The following BBS9 variants were observed in gnomAD, a reference collection of about 807,000 sequenced individuals.
BBS9 encodes protein PTHB1.
Under a neutral mutation model 117.7 loss-of-function variants are expected in BBS9, and 89 were observed. That is an observed-to-expected ratio of 0.76 (90% confidence interval 0.64 to 0.90). BBS9 has a LOEUF of 0.90. BBS9 is among the 40% of genes least tolerant of loss of function. The pLI is 0.00. For synonymous variants in BBS9, 379 were observed against 370.9 expected (o/e 1.02, Z -0.25); for missense variants, 982 against 1,042.2 (o/e 0.94, Z 0.80).
intron 5 of BBS9, among the ~76,000 whole-genome samples, chr7:33,243,418 T>A (rs780555700): frequency 3.9e-5 from 6 of 152,224 alleles, no homozygotes; most frequent in Non-Finnish European, 8.8e-5. Context: ...AAGCCAGTCT[T>A]TGATAGAGAA....
intron 5 of BBS9, 62 bp downstream of exon 5, chr7:33,177,653 A>C (rs763565455): frequency 4.2e-6 from 5 of 1,191,326 alleles, no homozygotes; most frequent in Non-Finnish European, 6.3e-6. Flanking sequence ...ATTTGGTCAT[A>C]TAAAACAGAG....
At chr7:33,361,985 C>T (rs74354765) in intron 16 of BBS9, among the ~76,000 whole-genome samples, 10,394 of 152,148 alleles carry the variant, frequency 0.068, 406 homozygotes, top group African/African-American at 0.08. Flanking sequence ...ACCATCTCAA[C>T]GGTTAAGTTG....
chr7:33,480,626 T>G (rs1317413136), intron 19 of BBS9, among the ~76,000 whole-genome samples: 1 of 152,202 alleles, frequency 6.6e-6, no homozygotes, highest in African/African-American at 2.4e-5. Context: ...TGCTTAGGTG[T>G]CATTCTTGGC....
intron 1 of BBS9, among the ~76,000 whole-genome samples, chr7:33,137,856 A>G (rs1393777242): frequency 6.6e-6 from 1 of 152,230 alleles, no homozygotes; most frequent in Non-Finnish European, 1.5e-5. Context: ...TGTTTATGTA[A>G]TGGAATTTAT....
chr7:33,304,870 A>C (rs1170278894), intron 9 of BBS9, among the ~76,000 whole-genome samples: 1 of 152,146 alleles, frequency 6.6e-6, no homozygotes, highest in African/African-American at 2.4e-5. Context: ...GTGCTGTGTC[A>C]GCTCAGGGTT....
rs1015682297 is a variant in BBS9, at chr7:33,407,408, T to C, written c.2115+19264T>C. On this transcript the variant is annotated intron_variant, in intron 19 of 22. Transcript: ENST00000242067. ...CCTCCTGTAGCTCGGAGTAGTTTGA[T>C]CGTCTGAAGCCTTCTTCTCTCAACT... Among the ~76,000 whole-genome samples the C allele has an allele frequency of 6.6e-5, 10 of 152,342 alleles. No homozygotes were observed. The South Asian group carries it at 1.9e-3, about 28-fold the overall frequency.
intron 19 of BBS9, among the ~76,000 whole-genome samples, chr7:33,486,670 A>C (rs1239694408): frequency 6.6e-6 from 1 of 152,136 alleles, no homozygotes; most frequent in East Asian, 1.9e-4. Flanking sequence ...CCTGACCCAA[A>C]CTGGAAGTCA....
intron 9 of BBS9, among the ~76,000 whole-genome samples, chr7:33,281,169 A>T (rs1037025762): frequency 2.6e-5 from 4 of 151,612 alleles, no homozygotes; most frequent in Non-Finnish European, 4.4e-5. Context: ...TTTCTGTTGA[A>T]TAAGCTTTTT....
intron 19 of BBS9, among the ~76,000 whole-genome samples, chr7:33,407,733 T>A (rs6945490): frequency 0.086 from 13,114 of 152,232 alleles, 597 homozygotes; most frequent in South Asian, 0.14. Flanking sequence ...TCAGCAGCGG[T>A]GTCTGCAGAA....
intron 9 of BBS9, 109 bp downstream of exon 9, chr7:33,274,065 A>G (rs1214965580): frequency 1.7e-6 from 2 of 1,206,218 alleles, no homozygotes; most frequent in East Asian, 2.5e-5. Flanking sequence ...TACAGGTGAC[A>G]TTGTAGTATG....
chr7:33,442,689 A>G (rs1483781707), intron 19 of BBS9, among the ~76,000 whole-genome samples: 2 of 152,234 alleles, frequency 1.3e-5, no homozygotes, highest in Non-Finnish European at 2.9e-5. Flanking sequence ...GGGAAGCTCC[A>G]CTATAAATGT....
chr7:33,451,094 TAGCC>T (rs1837776401), intron 19 of BBS9, among the ~76,000 whole-genome samples: 1 of 152,094 alleles, frequency 6.6e-6, no homozygotes, highest in African/African-American at 2.4e-5. Context: ...TTCATCATGT[TAGCC>T]AGGATGGTCT....
chr7:33,149,534 A>G (rs915054563), intron 2 of BBS9, among the ~76,000 whole-genome samples: 3 of 152,222 alleles, frequency 2.0e-5, no homozygotes, highest in African/African-American at 7.2e-5. Context: ...TCAACTCAAG[A>G]TTCAGACTCT....
At chr7:33,150,405 A>G (rs1793120430) in intron 2 of BBS9, among the ~76,000 whole-genome samples, 1 of 152,222 alleles carries the variant, frequency 6.6e-6, no homozygotes, top group African/African-American at 2.4e-5. Context: ...CCAGTCTACT[A>G]GAGTTTCACC....
chr7:33,304,566 C>CTCTGCCTG (rs1195101023), intron 9 of BBS9, among the ~76,000 whole-genome samples: 3 of 152,108 alleles, frequency 2.0e-5, no homozygotes, highest in Non-Finnish European at 4.4e-5. Flanking sequence ...TGAGGAGCGC[C>CTCTGCCTG]TCTGCCTGGC....
At chr7:33,378,748 C>A (rs568020115) in intron 17 of BBS9, among the ~76,000 whole-genome samples, 1 of 152,270 alleles carries the variant, frequency 6.6e-6, no homozygotes, top group African/African-American at 2.4e-5. Context: ...CACAGCATCC[C>A]CCATTTTCTT....
intron 20 of BBS9, among the ~76,000 whole-genome samples, chr7:33,524,057 A>G (rs1849069474): frequency 8.5e-6 from 1 of 117,176 alleles, no homozygotes. Context: ...ACATTTATTG[A>G]TTTGCGTATA....
At chr7:33,504,735 T>G (rs1242814140) in intron 19 of BBS9, among the ~76,000 whole-genome samples, 1 of 152,152 alleles carries the variant, frequency 6.6e-6, no homozygotes, top group Non-Finnish European at 1.5e-5. Flanking sequence ...AATTGTTGCT[T>G]TAGTTCTTTT....
chr7:33,298,993 T>C (rs1456976646), intron 9 of BBS9, among the ~76,000 whole-genome samples: 3 of 152,244 alleles, frequency 2.0e-5, no homozygotes, highest in Non-Finnish European at 2.9e-5. Flanking sequence ...TTTATTGTTG[T>C]TGATAACTGT....
Sources: gnomAD v4.1 joint callset for allele counts (sites outside exome capture counted in the v4.1 genomes callset) on GRCh38, gnomAD v4.1.1 for gene constraint, MANE v1.5 for transcripts, NCBI Gene and HGNC (gene_info 2026-07-23, HGNC 2026-07-21) for gene names.